The following ASAP2 variants were observed in gnomAD, a reference collection of about 807,000 sequenced individuals.
The protein encoded by ASAP2 is arf-GAP with SH3 domain, ANK repeat and PH domain-containing protein 2.
A neutral mutation model predicts 131.4 loss-of-function variants in ASAP2; 45 were observed. The observed-to-expected ratio is 0.34, with a 90% CI of 0.27 to 0.44. The LOEUF is 0.44. ASAP2 is among the 20% of genes least tolerant of loss of function. ASAP2 has a pLI of 1.00. For missense variants in ASAP2, 1,011 were observed against 1,297.0 expected, an observed-to-expected ratio of 0.78 and a Z score of 3.39; for synonymous variants, 510 against 503.0, an observed-to-expected ratio of 1.01 and a Z score of -0.19.
rs1675469075 is a variant in ASAP2 at position 9,388,498 on chromosome 2, CCCAGCACCA to C, written c.2341_2349del (p.Thr781_Ser783del). The C allele has an allele frequency of 6.2e-7, 1 of 1,613,734 alleles. No individual in the cohort carries two copies. Among genetic ancestry groups the C allele is most frequent in the Non-Finnish European group, 8.5e-7 (1 of 1,179,936 alleles). On this transcript the variant is annotated inframe_deletion, in exon 22 of 28. Transcript: ENST00000281419. Reference sequence around the variant, plus strand: ...CCCACCTCCCGCCCAGCCTGCAGCCCCCAGCACCACCAGCGCCCCCCCGCTTCCTCCACG... The same window carrying C: ...CCCACCTCCCGCCCAGCCTGCAGCCCCCAGCGCCCCCCCGCTTCCTCCACG...
chr2:9,294,525 G>A (rs376094101), intron 2 of ASAP2, among the ~76,000 whole-genome samples: 152 of 152,284 alleles, frequency 1.0e-3, no homozygotes, highest in African/African-American at 3.5e-3. Flanking sequence ...CAACTCTATG[G>A]TCTGGGGCAG....
chr2:9,350,774 C>G (rs371722162), intron 11 of ASAP2, 34 bp from the exon 12 acceptor site: 10 of 1,590,020 alleles, frequency 6.3e-6, no homozygotes, highest in East Asian at 4.5e-5. Flanking sequence ...CCACCCAACC[C>G]CAACCTTTTT....
chr2:9,345,476 A>G (rs1671901737), intron 11 of ASAP2, among the ~76,000 whole-genome samples: 1 of 152,122 alleles, frequency 6.6e-6, no homozygotes, highest in Admixed American at 6.5e-5. Context: ...CCTGCACACC[A>G]CACTGTTCTT....
chr2:9,356,422 ATTTTCACT>A, intron 14 of ASAP2, 77 bp downstream of exon 14: 7 of 1,438,800 alleles, frequency 4.9e-6, no homozygotes, highest in Middle Eastern at 1.9e-4. Flanking sequence ...CCGTTCATTG[ATTTTCACT>A]TTCATTTCAA....
intron 3 of ASAP2, among the ~76,000 whole-genome samples, chr2:9,304,224 C>T (rs1332166915): frequency 1.3e-5 from 2 of 152,106 alleles, no homozygotes; most frequent in South Asian, 2.1e-4. Context: ...TCAGTTTCTT[C>T]ACAATTGTCA....
intron 24 of ASAP2, chr2:9,399,820 G>T: frequency 3.3e-6 from 2 of 598,256 alleles, no homozygotes; most frequent in Non-Finnish European, 2.9e-6. Flanking sequence ...CCTGGTTTTA[G>T]GATCAGAAAC....
chr2:9,378,855 T>C, intron 18 of ASAP2, 89 bp from the exon 19 acceptor site: 1 of 881,642 alleles, frequency 1.1e-6, no homozygotes, highest in Non-Finnish European at 1.6e-6. Context: ...GCCTTTCCTG[T>C]GCCCGTAGCC....
Position 9,393,509 on chromosome 2 carries a change from C to A in ASAP2, c.2546C>A (p.Pro849His). 6.2e-7 allele frequency: 1 copy of A among 1,606,960 alleles called. No homozygotes were observed. Among genetic ancestry groups the A allele is most frequent in the Non-Finnish European group, 8.5e-7 (1 of 1,177,260 alleles). ...TNPLTPTPPP[P>H]VAKTPSVMEA... ...CCCCTGACCCCCACGCCGCCCCCAC[C>A]CGTTGCCAAGACGCCCAGCGTAATG... The change falls in exon 24 of 28, where the codon CCC becomes CAC. Residue 849 changes from proline to histidine, a missense_variant. Pro to His is a moderately conservative substitution (Grantham distance 77). This residue lies in a region of ASAP2 where 652 missense variants were observed against 698.9 expected (regional missense o/e 0.93). Coordinates refer to ENST00000281419, the MANE Select transcript of ASAP2 (RefSeq NM_003887.3).
intron 12 of ASAP2, among the ~76,000 whole-genome samples, chr2:9,355,455 C>T (rs1377906364): frequency 2.6e-5 from 4 of 152,186 alleles, no homozygotes; most frequent in South Asian, 2.1e-4. Context: ...CCCACACAGC[C>T]GCCTCCCTGC....
chr2:9,324,598 A>C (rs1160171957), intron 6 of ASAP2, among the ~76,000 whole-genome samples: 1 of 152,140 alleles, frequency 6.6e-6, no homozygotes, highest in Non-Finnish European at 1.5e-5. Flanking sequence ...TTAATAGCAG[A>C]CACACTCTTC....
chr2:9,286,243 C>A (rs1044963015), intron 2 of ASAP2, among the ~76,000 whole-genome samples: 4 of 151,836 alleles, frequency 2.6e-5, no homozygotes, highest in Middle Eastern at 3.2e-3. Context: ...CAAAAAAATA[C>A]AAAAATTAGC....
At chr2:9,353,168 G>C (rs4508567) in intron 12 of ASAP2, among the ~76,000 whole-genome samples, 13,607 of 152,136 alleles carry the variant, frequency 0.089, 1,687 homozygotes, top group African/African-American at 0.28. Context: ...CTGGCTGATT[G>C]AGGAGCATCT....
intron 12 of ASAP2, among the ~76,000 whole-genome samples, chr2:9,352,729 G>A (rs1467844841): frequency 6.6e-6 from 1 of 152,206 alleles, no homozygotes; most frequent in African/African-American, 2.4e-5. Context: ...AAGCTCTGTG[G>A]CCAACTGATA....
chr2:9,207,284 G>T lies in ASAP2; in HGVS notation c.126+54G>T. The T allele has an allele frequency of 2.1e-6, 3 of 1,458,924 alleles. No individual in the cohort carries two copies. The highest frequency in any genetic ancestry group is 2.7e-6 in the Non-Finnish European group (3 of 1,110,146). The allele number at this position is 1,458,924 out of a possible 1,614,324, so 90.4% of individuals were successfully genotyped here. On this transcript the variant is annotated intron_variant, in intron 1 of 27. Transcript: ENST00000281419. This position sits in a 1 kb window ranked among gnomAD's most constrained non-coding sequence, Gnocchi z 4.1. ...CGCAGGTATCCCGCGCCCCAGCCCC[G>T]CCCGCCGCTCCCGCATCCGCATCCC... is the stretch of plus-strand genomic sequence containing the variant.
chr2:9,323,083 C>G, intron 5 of ASAP2, 38 bp from the exon 6 acceptor site: 1 of 1,612,908 alleles, frequency 6.2e-7, no homozygotes, highest in Non-Finnish European at 8.5e-7. Flanking sequence ...AGTTCTGTGC[C>G]AACAGGCATC....
rs112015215 is a variant in ASAP2, at chr2:9,364,233, C to T, written c.1462-4192C>T. 6.6e-3 allele frequency among the ~76,000 whole-genome samples: 1,011 copies of T among 152,146 alleles called. 11 individuals are homozygous for T. Among genetic ancestry groups the T allele is most frequent in the African/African-American group, 0.023 (959 of 41,458 alleles). On this transcript the variant is annotated intron_variant, in intron 15 of 27. Coordinates refer to ENST00000281419, the MANE Select transcript of ASAP2 (RefSeq NM_003887.3). ...CATTTAAAAATCTTATGAGACCAGG[C>T]GCAGTGGTTCACACCTATAGCTCCA...
chr2:9,274,978 T>C (rs903358088), intron 1 of ASAP2, among the ~76,000 whole-genome samples: 6 of 152,178 alleles, frequency 3.9e-5, no homozygotes, highest in Non-Finnish European at 5.9e-5. Context: ...GGAGGAAATT[T>C]GTCAGAGTTC....
intron 24 of ASAP2, among the ~76,000 whole-genome samples, chr2:9,397,834 T>C (rs796073287): frequency 9.9e-4 from 139 of 141,094 alleles, no homozygotes; most frequent in African/African-American, 3.5e-3. Flanking sequence ...TCTCTGCTCA[T>C]TGCAAGCTCC....
intron 24 of ASAP2, among the ~76,000 whole-genome samples, chr2:9,394,506 G>A (rs1675964525): frequency 6.6e-6 from 1 of 152,116 alleles, no homozygotes; most frequent in African/African-American, 2.4e-5. Context: ...GTGGGAAATG[G>A]TTCCTTTTAG....
Sources: allele counts gnomAD v4.1 joint callset (sites outside exome capture counted in the v4.1 genomes callset), GRCh38; gene constraint gnomAD v4.1.1; regional missense constraint gnomAD v4.1.1; non-coding constraint Gnocchi (gnomAD v3.1); transcripts MANE v1.5; gene names NCBI Gene and HGNC (gene_info 2026-07-23, HGNC 2026-07-21).